Variants in MED15 observed in about 807,000 individuals in gnomAD.
MED15 encodes the protein mediator complex subunit 15.
MED15 carries 41 observed loss-of-function variants against 118.7 expected under a neutral mutation model. The observed-to-expected ratio is 0.35, with a 90% CI of 0.27 to 0.45. MED15 has a LOEUF of 0.45. Among genes scored for constraint, MED15 ranks in the 20% least tolerant of loss-of-function variants. The pLI is 1.00. For missense variants in MED15, 740 were observed against 1,025.5 expected, an observed-to-expected ratio of 0.72 and a Z score of 3.80; for synonymous variants, 436 against 413.9, an observed-to-expected ratio of 1.05 and a Z score of -0.65.
intron 1 of MED15, among the ~76,000 whole-genome samples, chr22:20,532,865 C>G (rs1601499087): frequency 6.6e-6 from 1 of 152,180 alleles, no homozygotes; most frequent in Admixed American, 6.5e-5. Context: ...CTCGTCTTCC[C>G]GGCTTGCTTG....
At position 20,564,474 on chromosome 22, in the gene MED15, C is replaced by T. The variant is rs1379065535; in HGVS notation, c.476C>T (p.Ala159Val). The stretch of plus-strand genomic sequence containing the variant: ...GCCCAGCTGCAGCTCCAGCAGGTGG[C>T]GCTGCAGCAGCAGCAGCAACAGCAG... ...PQTQLQLQQV[A>V]LQQQQQQQQF... The change falls in exon 6 of 18, where the codon GCG becomes GTG. Residue 159 changes from alanine to valine, a missense_variant. Coordinates refer to ENST00000263205, the MANE Select transcript of MED15 (RefSeq NM_001003891.3). 3.7e-6 allele frequency: 6 copies of T among 1,611,460 alleles called. No homozygotes were observed. The highest frequency in any genetic ancestry group is 1.7e-4 in the Middle Eastern group (1 of 6,038).
At chr22:20,576,496 G>A (rs2056827938) in intron 9 of MED15, among the ~76,000 whole-genome samples, 1 of 152,260 alleles carries the variant, frequency 6.6e-6, no homozygotes, top group Non-Finnish European at 1.5e-5. Flanking sequence ...ACTGGGGCAT[G>A]TTTAGCTTTT....
intron 1 of MED15, among the ~76,000 whole-genome samples, chr22:20,521,738 A>G (rs1296574133): frequency 7.2e-6 from 1 of 139,198 alleles, no homozygotes; most frequent in Non-Finnish European, 1.5e-5. Flanking sequence ...TTATTTATGT[A>G]TTTCTGAGAC....
At chr22:20,582,326 A>C in intron 9 of MED15, 1 of 528,118 alleles carries the variant, frequency 1.9e-6, no homozygotes, top group East Asian at 3.5e-5. Context: ...CCTTTTCCTC[A>C]CACTCCCACG....
intron 1 of MED15, among the ~76,000 whole-genome samples, chr22:20,533,349 T>C (rs2054928657): frequency 6.6e-6 from 1 of 151,994 alleles, no homozygotes; most frequent in Non-Finnish European, 1.5e-5. Context: ...AGCTGCAGAG[T>C]TCCTGGGTTC....
At chr22:20,583,421 G>T (rs1405196435) in intron 13 of MED15, 28 bp downstream of exon 13, 3 of 1,610,898 alleles carry the variant, frequency 1.9e-6, no homozygotes, top group East Asian at 2.2e-5. Flanking sequence ...CCCACGGAGG[G>T]TCCACAAGGG....
chr22:20,556,092 G>A (rs2146537166), intron 5 of MED15, among the ~76,000 whole-genome samples: 1 of 152,280 alleles, frequency 6.6e-6, no homozygotes, highest in Admixed American at 6.5e-5. Context: ...CCACTGCAAA[G>A]TGCTTTAGTG....
intron 8 of MED15, among the ~76,000 whole-genome samples, chr22:20,571,078 C>T (rs1423228499): frequency 6.6e-6 from 1 of 152,164 alleles, no homozygotes; most frequent in Non-Finnish European, 1.5e-5. Flanking sequence ...CTTTTCTTTC[C>T]ATTTCTTGGT....
intron 1 of MED15, among the ~76,000 whole-genome samples, chr22:20,529,791 C>T (rs1234902316): frequency 1.3e-5 from 2 of 151,612 alleles, no homozygotes; most frequent in South Asian, 2.1e-4. Context: ...GGGGTTTCAC[C>T]ATGTTGGCCA....
chr22:20,583,063 T>TGGC, intron 11 of MED15, 50 bp from the exon 12 acceptor site: 1 of 1,557,184 alleles, frequency 6.4e-7, no homozygotes, highest in Non-Finnish European at 8.7e-7. Flanking sequence ...GAGCTCAAGT[T>TGGC]CCCCACCCGA....
chr22:20,535,946 C>G (rs1450218630), intron 1 of MED15, among the ~76,000 whole-genome samples: 2 of 147,612 alleles, frequency 1.4e-5, no homozygotes, highest in Non-Finnish European at 3.0e-5. Context: ...GGCGCAATCT[C>G]GGCTCACTGC....
Position 20,558,470 on chromosome 22 carries a change from A to G in MED15, c.451+3322A>G, listed in dbSNP as rs572798783. ...GGCTGGGGCTGCAGTACAGAGTTGG[A>G]AGCAAAGCTTTTCACTCTGCGCATT... On this transcript the variant is annotated intron_variant, in intron 5 of 17. Transcript: ENST00000263205. 7.2e-5 allele frequency among the ~76,000 whole-genome samples: 11 copies of G among 152,266 alleles called. No individual in the cohort carries two copies. The South Asian group carries it at 2.3e-3, about 32-fold the overall frequency.
At position 20,575,054 on chromosome 22, in the gene MED15, C is replaced by T. The variant is rs1429374097; in HGVS notation, c.1153-59C>T. 7.5e-6 allele frequency: 12 copies of T among 1,605,746 alleles called. No individual in the cohort carries two copies. The Admixed American group carries it at 1.5e-4, about 20-fold the overall frequency. On this transcript the variant is annotated intron_variant, in intron 8 of 17. Transcript: ENST00000263205. ...AGGCTACACGTGCCCTCTCCACCTG[C>T]CCAGGCACTGAGTTTCTTTGTTGCG...
intron 5 of MED15, among the ~76,000 whole-genome samples, chr22:20,561,107 A>G (rs1569222277): frequency 1.3e-5 from 2 of 152,234 alleles, no homozygotes; most frequent in African/African-American, 4.8e-5. Flanking sequence ...AACAATGGAA[A>G]TAATTCATAA....
intron 9 of MED15, among the ~76,000 whole-genome samples, chr22:20,575,875 T>C (rs2056809784): frequency 6.6e-6 from 1 of 152,182 alleles, no homozygotes; most frequent in Non-Finnish European, 1.5e-5. Flanking sequence ...GGGAAGCTAG[T>C]GGCTGCTGCA....
At chr22:20,529,035 C>T (rs146716582) in intron 1 of MED15, among the ~76,000 whole-genome samples, 3 of 152,290 alleles carry the variant, frequency 2.0e-5, no homozygotes, top group East Asian at 3.9e-4. Flanking sequence ...GGCGCACCCC[C>T]TCCTCACTGT....
intron 5 of MED15, among the ~76,000 whole-genome samples, chr22:20,557,294 G>C (rs1008149241): frequency 1.3e-5 from 2 of 152,044 alleles, no homozygotes; most frequent in Admixed American, 6.6e-5. Context: ...GGGGCCATAG[G>C]CATCCTCATT....
intron 1 of MED15, chr22:20,518,793 CT>C: frequency 2.3e-6 from 1 of 440,140 alleles, no homozygotes; most frequent in Non-Finnish European, 4.5e-6. Context: ...TTCTGAACTT[CT>C]CATTTTGAAC....
At chr22:20,578,489 G>A (rs1229788630) in intron 9 of MED15, among the ~76,000 whole-genome samples, 5 of 152,192 alleles carry the variant, frequency 3.3e-5, no homozygotes, top group South Asian at 2.1e-4. Context: ...CCTTGGGGAC[G>A]TGAGGCATGC....
Sources: gnomAD v4.1 joint callset for allele counts (sites outside exome capture counted in the v4.1 genomes callset) on GRCh38, gnomAD v4.1.1 for gene constraint, MANE v1.5 for transcripts, NCBI Gene and HGNC (gene_info 2026-07-23, HGNC 2026-07-21) for gene names.